The following FHAD1 variants were observed in gnomAD, a reference collection of about 807,000 sequenced individuals.
FHAD1 encodes forkhead associated phosphopeptide binding domain 1, also known as forkhead-associated domain-containing protein 1.
FHAD1 carries 146 observed loss-of-function variants against 191.3 expected under a neutral mutation model. The ratio of observed to expected loss-of-function variants is 0.76; its 90% CI spans 0.67 to 0.88. The LOEUF (loss-of-function observed/expected upper bound fraction) is 0.88, where lower values mean the gene tolerates loss of function less well. Among genes scored for constraint, FHAD1 ranks in the 40% least tolerant of loss-of-function variants. The probability of loss-of-function intolerance (pLI) is 0.00; values close to 1 mark genes in which losing one functional copy is unlikely to be tolerated. For missense variants in FHAD1, 1,635 were observed against 1,785.8 expected (o/e 0.92, Z 1.52); for synonymous variants, 616 against 672.3 (o/e 0.92, Z 1.29).
At chr1:15,256,193 A>G (rs533091159) in intron 2 of FHAD1, among the ~76,000 whole-genome samples, 22 of 152,368 alleles carry the variant, frequency 1.4e-4, no homozygotes, top group Non-Finnish European at 1.9e-4. Context: ...TTCTTCCAGA[A>G]CGCAGCAATG....
In FHAD1 at chr1:15,252,949, CTT is replaced by C. The variant is rs535686045; in HGVS notation, c.93+1074_93+1075del. 8.3e-4 allele frequency among the ~76,000 whole-genome samples: 127 copies of C among 152,306 alleles called. 1 individual carries two copies. The highest frequency in any genetic ancestry group is 3.0e-3 in the African/African-American group (124 of 41,572). On this transcript the variant is annotated intron_variant, in intron 2 of 33. Coordinates refer to ENST00000688493, the MANE Select transcript of FHAD1 (RefSeq NM_001391957.1). ...AAAGAGAAAAAATGCCGTGGAATCTCTTTATAACTGTGAGAAGCAGATCTCTT... is the reference window on the plus strand; with the variant it reads ...AAAGAGAAAAAATGCCGTGGAATCTCTATAACTGTGAGAAGCAGATCTCTT...
chr1:15,358,290 C>A lies in FHAD1; in HGVS notation c.2736+7C>A. On this transcript the variant is annotated splice_region_variant and intron_variant, in intron 21 of 33. Coordinates refer to ENST00000688493, the MANE Select transcript of FHAD1 (RefSeq NM_001391957.1). ...AACTACCAAGACAAAAATGGTAAGT[C>A]GGTGCCTTCCGGGAACGGGAGAATT... 1 of 1,522,534 alleles carries A rather than the reference C, an allele frequency of 6.6e-7. No homozygotes were observed. The highest frequency in any genetic ancestry group is 8.8e-7 in the Non-Finnish European group (1 of 1,140,308). 94.3% of individuals were successfully genotyped at this position (1,522,534 alleles called of 1,614,324 possible). A position where few individuals can be genotyped will look rare whatever the true frequency, so the allele number is the denominator to read the frequency against.
chr1:15,375,299 G>T (rs2102902039), intron 27 of FHAD1, among the ~76,000 whole-genome samples: 1 of 152,260 alleles, frequency 6.6e-6, no homozygotes, highest in South Asian at 2.1e-4. Context: ...TGCAGGCTGG[G>T]GCACTGGTCT....
rs370374730 is a variant in FHAD1, at chr1:15,360,909, T to C, written c.2962+206T>C. On this transcript the variant is annotated intron_variant, in intron 22 of 33. Coordinates refer to ENST00000688493, the MANE Select transcript of FHAD1 (RefSeq NM_001391957.1). ...TTCAGCAGAAGTCATGGCAATGAGTTGGGACATCCTTTGTGCCTACTCAGT... is the reference window on the plus strand; with the variant it reads ...TTCAGCAGAAGTCATGGCAATGAGTCGGGACATCCTTTGTGCCTACTCAGT... 2.0e-5 allele frequency among the ~76,000 whole-genome samples: 3 copies of C among 152,150 alleles called. No individual in the cohort carries two copies. In the East Asian group the frequency reaches 5.8e-4, roughly 29 times the overall value.
intron 10 of FHAD1, among the ~76,000 whole-genome samples, chr1:15,321,746 TGTGTGTGCAAGCAC>T (rs768562465): frequency 2.6e-5 from 4 of 152,252 alleles, no homozygotes; most frequent in Non-Finnish European, 4.4e-5. Flanking sequence ...TGTGTACATT[TGTGTGTGCAAGCAC>T]GTGTGTGCAT....
intron 31 of FHAD1, among the ~76,000 whole-genome samples, chr1:15,387,729 A>T (rs1365283412): frequency 1.3e-5 from 2 of 152,100 alleles, no homozygotes; most frequent in African/African-American, 2.4e-5. Flanking sequence ...ACTAAAAATT[A>T]AAAAAATTAG....
intron 15 of FHAD1, among the ~76,000 whole-genome samples, chr1:15,340,169 G>A (rs1685952381): frequency 6.6e-6 from 1 of 152,128 alleles, no homozygotes; most frequent in Non-Finnish European, 1.5e-5. Flanking sequence ...AAATCCAGTG[G>A]ACAAAGTACA....
chr1:15,382,385 TTAGA>T (rs1701120038), intron 31 of FHAD1, among the ~76,000 whole-genome samples, 192 bp downstream of exon 31: 1 of 152,190 alleles, frequency 6.6e-6, no homozygotes, highest in Admixed American at 6.5e-5. Flanking sequence ...CTATGTGACC[TTAGA>T]TAGGTTTCTT....
chr1:15,284,984 AT>A (rs1187776821), intron 3 of FHAD1, among the ~76,000 whole-genome samples: 20 of 152,234 alleles, frequency 1.3e-4, no homozygotes, highest in African/African-American at 4.8e-4. Context: ...TTTAACTAAT[AT>A]TTCTAAGCCA....
At chr1:15,377,280 G>C (rs1026848636) in intron 28 of FHAD1, among the ~76,000 whole-genome samples, 1 of 152,136 alleles carries the variant, frequency 6.6e-6, no homozygotes, top group Non-Finnish European at 1.5e-5. Flanking sequence ...TGGTTTTCTA[G>C]AGAAAATCAA....
intron 26 of FHAD1, among the ~76,000 whole-genome samples, chr1:15,373,173 C>T (rs1048104706): frequency 6.6e-6 from 1 of 152,168 alleles, no homozygotes; most frequent in Non-Finnish European, 1.5e-5. Context: ...GAGGAAAAAA[C>T]CCTGCATGCT....
At chr1:15,363,492 T>C (rs1695470924) in intron 23 of FHAD1, among the ~76,000 whole-genome samples, 1 of 152,186 alleles carries the variant, frequency 6.6e-6, no homozygotes, top group South Asian at 2.1e-4. Context: ...CACTGAGCCT[T>C]AGCTTCCACA....
intron 6 of FHAD1, among the ~76,000 whole-genome samples, chr1:15,306,118 G>A (rs764180365): frequency 5.3e-5 from 8 of 152,184 alleles, no homozygotes; most frequent in East Asian, 1.9e-4. Context: ...GGTGGTCTCC[G>A]ATGGAGATGA....
At chr1:15,344,766 C>T (rs962731859) in intron 16 of FHAD1, among the ~76,000 whole-genome samples, 1 of 152,206 alleles carries the variant, frequency 6.6e-6, no homozygotes, top group African/African-American at 2.4e-5. Context: ...CCAAGCATTT[C>T]GTGTTCATCG....
At chr1:15,301,493 G>A (rs946376212) in intron 6 of FHAD1, 52 bp downstream of exon 6, 107 of 1,502,822 alleles carry the variant, frequency 7.1e-5, no homozygotes, top group Non-Finnish European at 7.6e-5. Flanking sequence ...GGCCCGGGAG[G>A]CCCCAGGACC....
chr1:15,373,933 C>G (rs193109855), intron 26 of FHAD1, among the ~76,000 whole-genome samples: 95 of 152,328 alleles, frequency 6.2e-4, no homozygotes, highest in Non-Finnish European at 8.4e-4. Flanking sequence ...GATGGTCCAT[C>G]TGGGTCTAGT....
downstream of FHAD1, among the ~76,000 whole-genome samples, chr1:15,402,194 C>T (rs924873416): frequency 1.3e-5 from 2 of 152,214 alleles, no homozygotes; most frequent in Non-Finnish European, 2.9e-5. Context: ...ATGGGCCAGG[C>T]TCTGATGCTA....
intron 20 of FHAD1, among the ~76,000 whole-genome samples, chr1:15,353,740 A>G (rs1241776081): frequency 2.0e-5 from 3 of 151,578 alleles, no homozygotes; most frequent in African/African-American, 7.3e-5. Context: ...AAGAAAAAAA[A>G]AAAAAGAGGG....
chr1:15,381,187 C>CGGCCGCTGGT lies in FHAD1; in HGVS notation c.3802-38_3802-37insTGGTGGCCGC. The CGGCCGCTGGT allele has an allele frequency of 7.3e-7, 1 of 1,371,150 alleles. No homozygotes were observed. Among genetic ancestry groups the CGGCCGCTGGT allele is most frequent in the Non-Finnish European group, 1.0e-6 (1 of 988,752 alleles). 84.9% of individuals were successfully genotyped at this position (1,371,150 alleles called of 1,614,324 possible). On this transcript the variant is annotated intron_variant, in intron 29 of 33. Transcript: ENST00000688493. The surrounding 1 kb of genome is among the most constrained non-coding windows in gnomAD (Gnocchi z 4.6). ...TTGGCCTCCTTAAAGCGGCCACCAG[C>CGGCCGCTGGT]GGCCGCGGGTAATGCCTCTTATGCG... is the stretch of plus-strand genomic sequence containing the variant.
Sources: gnomAD v4.1 joint callset for allele counts (sites outside exome capture counted in the v4.1 genomes callset) on GRCh38, gnomAD v4.1.1 for gene constraint, Gnocchi (gnomAD v3.1) non-coding constraint, MANE v1.5 for transcripts, NCBI Gene and HGNC (gene_info 2026-07-23, HGNC 2026-07-21) for gene names.